Variants in TSPAN15 observed in about 807,000 individuals in gnomAD.
The protein encoded by TSPAN15 is tetraspanin 15.
Under a neutral mutation model 34.5 loss-of-function variants are expected in TSPAN15, and 20 were observed. That is an observed-to-expected ratio of 0.58 (90% CI 0.41 to 0.84). The LOEUF (loss-of-function observed/expected upper bound fraction) is 0.84. Among genes scored for constraint, TSPAN15 ranks in the 40% least tolerant of loss-of-function variants. The pLI is 0.00. For missense variants in TSPAN15, 313 were observed against 386.1 expected (o/e 0.81, Z 1.59); for synonymous variants, 155 against 153.9 (o/e 1.01, Z -0.05).
chr10:69,539,539 G>GA, the TSPAN15 span, among the ~76,000 whole-genome samples: 583 of 42,590 alleles, frequency 0.014, 25 homozygotes, highest in Middle Eastern at 0.027. Flanking sequence ...GAAGAAGAAG[G>GA]AGAAGGAGAA....
the TSPAN15 span, among the ~76,000 whole-genome samples, chr10:69,513,477 G>A: frequency 3.7e-3 from 567 of 152,212 alleles, 1 homozygote; most frequent in African/African-American, 0.012. Flanking sequence ...AAAGTGCTGG[G>A]ATTACAGGCA....
At chr10:69,462,078 T>C (rs1325729708) in intron 1 of TSPAN15, among the ~76,000 whole-genome samples, 1 of 150,664 alleles carries the variant, frequency 6.6e-6, no homozygotes, top group Admixed American at 6.6e-5. Flanking sequence ...CCTCCTGGGC[T>C]CAAGTGATCC....
At chr10:69,528,535 T>TA in the TSPAN15 span, among the ~76,000 whole-genome samples, 11 of 148,806 alleles carry the variant, frequency 7.4e-5, no homozygotes, top group Admixed American at 6.2e-4. Flanking sequence ...CTGTTGGTGT[T>TA]ACAGTTTCAG....
intron 1 of TSPAN15, among the ~76,000 whole-genome samples, chr10:69,478,547 G>C (rs1841664857): frequency 6.6e-6 from 1 of 152,050 alleles, no homozygotes; most frequent in South Asian, 2.1e-4. Flanking sequence ...CAAATTCCTA[G>C]AGCCCTCTTC....
chr10:69,459,925 C>CT (rs942977393), intron 1 of TSPAN15, among the ~76,000 whole-genome samples: 4 of 133,076 alleles, frequency 3.0e-5, no homozygotes, highest in Non-Finnish European at 6.9e-5. Context: ...TAGGCACCCC[C>CT]CCCCCACGAA....
chr10:69,509,522 A>C (rs1423236143), downstream of TSPAN15, among the ~76,000 whole-genome samples: 1 of 151,342 alleles, frequency 6.6e-6, no homozygotes, highest in Non-Finnish European at 1.5e-5. Flanking sequence ...ATTTTCTTCC[A>C]TTCTGTAGGT....
chr10:69,539,281 C>T, the TSPAN15 span, among the ~76,000 whole-genome samples: 1,442 of 151,742 alleles, frequency 9.5e-3, 5 homozygotes, highest in Middle Eastern at 0.014. Flanking sequence ...GGATAAAAGA[C>T]TACACACTGG....
At chr10:69,539,458 A>AAGAAGAAGAAGAAGAAGG in the TSPAN15 span, among the ~76,000 whole-genome samples, 1 of 66,316 alleles carries the variant, frequency 1.5e-5, no homozygotes, top group African/African-American at 5.8e-5. Flanking sequence ...GAAGAAGAAG[A>AAGAAGAAGAAGAAGAAGG]AGAAGGAGAA....
chr10:69,505,566 G>A (rs1842307318), intron 6 of TSPAN15, among the ~76,000 whole-genome samples: 1 of 148,498 alleles, frequency 6.7e-6, no homozygotes, highest in Non-Finnish European at 1.5e-5. Context: ...ATGCAGAAAT[G>A]CTTTTTTTTT....
chr10:69,525,332 A>G, the TSPAN15 span, among the ~76,000 whole-genome samples: 2 of 147,900 alleles, frequency 1.4e-5, 1 homozygote, highest in Admixed American at 1.4e-4. Context: ...AAGAAAATAT[A>G]TAGACATAAA....
chr10:69,485,814 C>G (rs534573916), intron 3 of TSPAN15, among the ~76,000 whole-genome samples: 1 of 152,174 alleles, frequency 6.6e-6, no homozygotes, highest in Non-Finnish European at 1.5e-5. Context: ...ATTGCTTGTA[C>G]CAAGGTGGAG....
rs748830960 is a variant in TSPAN15 at position 69,507,004 on chromosome 10, A to G, written c.*26A>G. ...GGCCCAGCCTGCCATGGCAGCTCCA[A>G]CAAGGACCGTCTGGGATAGCACCTC... On this transcript the variant is annotated 3_prime_UTR_variant, in exon 8 of 8. Transcript: ENST00000373290. 38 of 1,602,444 alleles carry G rather than the reference A, an allele frequency of 2.4e-5. 1 individual carries two copies. The South Asian group carries it at 3.7e-4, about 16-fold the overall frequency.
At chr10:69,494,966 C>A in intron 3 of TSPAN15, 1 of 728,854 alleles carries the variant, frequency 1.4e-6, no homozygotes, top group Non-Finnish European at 1.7e-6. Flanking sequence ...TTCCTCCCGG[C>A]AGGGATTGTC....
chr10:69,471,010 C>T (rs1021020368), intron 1 of TSPAN15, among the ~76,000 whole-genome samples: 8 of 152,208 alleles, frequency 5.3e-5, no homozygotes, highest in African/African-American at 1.9e-4. Context: ...GCTCACATGT[C>T]ACCCTCCCTG....
chr10:69,496,351 A>C (rs549792944), intron 4 of TSPAN15, among the ~76,000 whole-genome samples: 39 of 148,084 alleles, frequency 2.6e-4, no homozygotes, highest in African/African-American at 8.9e-4. Context: ...TAATAATAAT[A>C]ATAATAATAA....
At chr10:69,507,941 A>G (rs115181883), downstream of TSPAN15, among the ~76,000 whole-genome samples, 2,851 of 151,992 alleles carry the variant, frequency 0.019, 91 homozygotes, top group African/African-American at 0.063. Context: ...GGACCAGGGA[A>G]GCGGAGTTGC....
At position 69,507,017 on chromosome 10, in the gene TSPAN15, G is replaced by T. The variant is rs866091935; in HGVS notation, c.*39G>T. ...ATGGCAGCTCCAACAAGGACCGTCTGGGATAGCACCTCTCAGTCAACATCG... is the reference window on the plus strand; with the variant it reads ...ATGGCAGCTCCAACAAGGACCGTCTTGGATAGCACCTCTCAGTCAACATCG... On this transcript the variant is annotated 3_prime_UTR_variant, in exon 8 of 8. Coordinates refer to ENST00000373290, the MANE Select transcript of TSPAN15 (RefSeq NM_012339.5). The T allele has an allele frequency of 6.3e-7, 1 of 1,594,182 alleles. No homozygotes were observed. Among genetic ancestry groups the T allele is most frequent in the African/African-American group, 1.3e-5 (1 of 74,746 alleles).
chr10:69,468,108 C>T (rs1433222562), intron 1 of TSPAN15, among the ~76,000 whole-genome samples: 2 of 151,850 alleles, frequency 1.3e-5, no homozygotes, highest in Non-Finnish European at 2.9e-5. Context: ...CATGAGACTC[C>T]AGCCCCCGCC....
chr10:69,480,846 T>C (rs1198241530), intron 1 of TSPAN15, among the ~76,000 whole-genome samples: 1 of 152,128 alleles, frequency 6.6e-6, no homozygotes, highest in Non-Finnish European at 1.5e-5. Context: ...TACAGACATG[T>C]GCCACCAAGC....
Sources: allele counts gnomAD v4.1 joint callset (sites outside exome capture counted in the v4.1 genomes callset), GRCh38; gene constraint gnomAD v4.1.1; transcripts MANE v1.5; gene names NCBI Gene and HGNC (gene_info 2026-07-23, HGNC 2026-07-21).